The following PRKG1 variants were observed in gnomAD, a reference collection of about 807,000 sequenced individuals.
PRKG1 encodes cGMP-dependent protein kinase 1.
Under a neutral mutation model 88.1 loss-of-function variants are expected in PRKG1, and 35 were observed. That is an observed-to-expected ratio of 0.40 (90% CI 0.30 to 0.53). The LOEUF is 0.53. Ranked by LOEUF, PRKG1 falls within the 20% of genes least tolerant of loss-of-function variation. The probability of loss-of-function intolerance (pLI) is 0.59; values close to 1 mark genes in which losing one functional copy is unlikely to be tolerated. For synonymous variants in PRKG1, 303 were observed against 292.5 expected (o/e 1.04, Z -0.37); for missense variants, 540 against 839.8 (o/e 0.64, Z 4.41).
At position 51,371,675 on chromosome 10, in the gene PRKG1, ATC is replaced by A. The variant is rs552443134; in HGVS notation, c.479-96045_479-96044del. On this transcript the variant is annotated intron_variant, in intron 2 of 17. Transcript: ENST00000373980. Reference sequence around the variant, plus strand: ...AAATGGTCAGTAAGCTTACTTAAGTATCTCATTCTTTGTATTCTGCAGTCTCA... The same window carrying A: ...AAATGGTCAGTAAGCTTACTTAAGTATCATTCTTTGTATTCTGCAGTCTCA... Among the ~76,000 whole-genome samples, 721 of 152,188 alleles carry A rather than the reference ATC, an allele frequency of 4.7e-3. 6 individuals carry two copies. The highest frequency in any genetic ancestry group is 0.017 in the African/African-American group (696 of 41,522).
intron 1 of PRKG1, among the ~76,000 whole-genome samples, chr10:51,117,173 T>C (rs770600513): frequency 6.6e-6 from 1 of 152,190 alleles, no homozygotes; most frequent in Non-Finnish European, 1.5e-5. Flanking sequence ...ATCCTAATTA[T>C]AGAGAACCTG....
At chr10:51,022,879 C>G (rs140204591) in intron 1 of PRKG1, among the ~76,000 whole-genome samples, 2,667 of 152,236 alleles carry the variant, frequency 0.018, 70 homozygotes, top group African/African-American at 0.059. Flanking sequence ...TTCCTATAAT[C>G]CCAGCTACCT....
chr10:52,273,148 T>C (rs895439659), intron 12 of PRKG1, among the ~76,000 whole-genome samples: 2 of 152,080 alleles, frequency 1.3e-5, no homozygotes, highest in African/African-American at 2.4e-5. Context: ...GTCTTAATTT[T>C]CCATCTCATA....
chr10:52,044,307 A>G (rs759563404), intron 5 of PRKG1, among the ~76,000 whole-genome samples: 3 of 152,148 alleles, frequency 2.0e-5, no homozygotes, highest in Admixed American at 6.6e-5. Flanking sequence ...TTGAGGAAGA[A>G]GATCAGAGAG....
intron 3 of PRKG1, among the ~76,000 whole-genome samples, chr10:51,500,604 G>T (rs550457640): frequency 6.6e-6 from 1 of 152,144 alleles, no homozygotes; most frequent in Non-Finnish European, 1.5e-5. Flanking sequence ...GTATTATATA[G>T]AGCCTGGTTA....
chr10:51,735,895 T>TTATC (rs1564626606), intron 3 of PRKG1, among the ~76,000 whole-genome samples: 1 of 144,132 alleles, frequency 6.9e-6, no homozygotes, highest in Non-Finnish European at 1.5e-5. Context: ...ATTTATTTAT[T>TTATC]TATTTATTTA....
intron 3 of PRKG1, among the ~76,000 whole-genome samples, chr10:51,750,035 A>G (rs1342416069): frequency 1.3e-5 from 2 of 149,846 alleles, no homozygotes; most frequent in Admixed American, 6.7e-5. Context: ...TCCCAGGTTT[A>G]AGCGATTCTC....
intron 9 of PRKG1, among the ~76,000 whole-genome samples, chr10:52,162,292 A>G (rs552388261): frequency 4.0e-4 from 61 of 152,254 alleles, no homozygotes; most frequent in African/African-American, 1.4e-3. Flanking sequence ...GTTGTGTTCC[A>G]TAGTTGCTTG....
At chr10:51,958,988 C>T (rs1564728433) in intron 5 of PRKG1, among the ~76,000 whole-genome samples, 1 of 152,158 alleles carries the variant, frequency 6.6e-6, no homozygotes, top group Non-Finnish European at 1.5e-5. Flanking sequence ...GCCATTTTCT[C>T]ACTTTGTCCT....
chr10:51,287,529 T>C (rs1840473965), intron 2 of PRKG1, among the ~76,000 whole-genome samples: 1 of 152,118 alleles, frequency 6.6e-6, no homozygotes, highest in South Asian at 2.1e-4. Context: ...TAAATTCTAG[T>C]AGAGTGAAGA....
intron 2 of PRKG1, among the ~76,000 whole-genome samples, chr10:51,227,176 T>TTA (rs200859031): frequency 1.7e-4 from 25 of 149,940 alleles, no homozygotes; most frequent in South Asian, 8.4e-4. Context: ...GTACATATAT[T>TTA]TATATATATA....
At chr10:52,283,320 AAG>A (rs1185819916) in intron 14 of PRKG1, among the ~76,000 whole-genome samples, 2 of 152,090 alleles carry the variant, frequency 1.3e-5, no homozygotes, top group Non-Finnish European at 2.9e-5. Flanking sequence ...AATGGAAAAA[AAG>A]AGTAATTGTG....
intron 5 of PRKG1, among the ~76,000 whole-genome samples, chr10:51,976,392 A>G (rs957020822): frequency 6.6e-6 from 1 of 152,046 alleles, no homozygotes; most frequent in Non-Finnish European, 1.5e-5. Flanking sequence ...AATGTGATAT[A>G]TCTACACAAT....
At chr10:51,823,183 C>T in intron 4 of PRKG1, among the ~76,000 whole-genome samples, 1 of 151,888 alleles carries the variant, frequency 6.6e-6, no homozygotes, top group East Asian at 1.9e-4. Flanking sequence ...GTATAAGGGT[C>T]CTGGGACCAA....
intron 3 of PRKG1, 57 bp downstream of exon 3, chr10:51,467,893 A>G: frequency 7.2e-7 from 1 of 1,395,050 alleles, no homozygotes; most frequent in Non-Finnish European, 1.0e-6. Context: ...TAGGCCTTTG[A>G]GATGTTGTTT....
At chr10:51,878,772 G>T (rs1211449200) in intron 4 of PRKG1, among the ~76,000 whole-genome samples, 1 of 152,154 alleles carries the variant, frequency 6.6e-6, no homozygotes, top group Non-Finnish European at 1.5e-5. Context: ...GCTATTTGGT[G>T]AATTCCAAAT....
chr10:51,959,803 G>A (rs1292986108), intron 5 of PRKG1, among the ~76,000 whole-genome samples: 1 of 152,104 alleles, frequency 6.6e-6, no homozygotes, highest in Admixed American at 6.6e-5. Flanking sequence ...TGGTGATGCT[G>A]TTACTTAGGA....
At chr10:51,643,450 C>T (rs1354685867) in intron 3 of PRKG1, among the ~76,000 whole-genome samples, 1 of 152,122 alleles carries the variant, frequency 6.6e-6, no homozygotes, top group Non-Finnish European at 1.5e-5. Flanking sequence ...AAAATTTTGA[C>T]ATTTGACAAA....
At chr10:51,739,297 A>G (rs1837370942) in intron 3 of PRKG1, among the ~76,000 whole-genome samples, 1 of 152,126 alleles carries the variant, frequency 6.6e-6, no homozygotes, top group Non-Finnish European at 1.5e-5. Flanking sequence ...TCCTATGAAG[A>G]TTTGCTTCCC....
Sources: gnomAD v4.1 joint callset for allele counts (sites outside exome capture counted in the v4.1 genomes callset) on GRCh38, gnomAD v4.1.1 for gene constraint, MANE v1.5 for transcripts, NCBI Gene and HGNC (gene_info 2026-07-23, HGNC 2026-07-21) for gene names.